CDK14: variants seen among roughly 807,000 people sequenced by gnomAD.
CDK14 encodes cyclin-dependent kinase 14.
CDK14 carries 34 observed loss-of-function variants against 60.7 expected under a neutral mutation model. The ratio of observed to expected loss-of-function variants is 0.56; its 90% CI spans 0.43 to 0.75. CDK14 has a LOEUF of 0.75. Among genes scored for constraint, CDK14 ranks in the 30% least tolerant of loss-of-function variants. The pLI is 0.00. For missense variants in CDK14, 482 were observed against 564.1 expected, an observed-to-expected ratio of 0.85 and a Z score of 1.47; for synonymous variants, 197 against 203.7, an observed-to-expected ratio of 0.97 and a Z score of 0.28.
At chr7:91,006,701 C>T (rs1044046872) in intron 10 of CDK14, among the ~76,000 whole-genome samples, 2 of 152,310 alleles carry the variant, frequency 1.3e-5, no homozygotes, top group Non-Finnish European at 2.9e-5. Flanking sequence ...AAAACTTTCA[C>T]TTATATATTT....
intron 8 of CDK14, among the ~76,000 whole-genome samples, chr7:90,922,091 C>T (rs1793269854): frequency 6.6e-6 from 1 of 152,110 alleles, no homozygotes; most frequent in African/African-American, 2.4e-5. Flanking sequence ...GCTTGTTAGT[C>T]CCGAAGGTAC....
At chr7:90,778,314 T>A (rs1020084468) in intron 4 of CDK14, among the ~76,000 whole-genome samples, 1 of 152,244 alleles carries the variant, frequency 6.6e-6, no homozygotes, top group Non-Finnish European at 1.5e-5. Context: ...TCCTTTATAA[T>A]TTCCGTATCC....
chr7:91,117,270 T>C (rs1309092351), intron 13 of CDK14, among the ~76,000 whole-genome samples: 3 of 151,634 alleles, frequency 2.0e-5, no homozygotes, highest in African/African-American at 7.3e-5. Flanking sequence ...GTATTGTTGC[T>C]ACCTTCACAG....
chr7:91,145,368 A>G (rs1372339431), intron 14 of CDK14, among the ~76,000 whole-genome samples: 1 of 152,218 alleles, frequency 6.6e-6, no homozygotes, highest in East Asian at 1.9e-4. Flanking sequence ...GAATTTATTG[A>G]TCTGCAGCCT....
chr7:90,840,446 A>G (rs983820958), intron 5 of CDK14, among the ~76,000 whole-genome samples: 6 of 152,222 alleles, frequency 3.9e-5, no homozygotes, highest in African/African-American at 1.2e-4. Flanking sequence ...AATAACCAGA[A>G]CAGGACATTC....
intron 3 of CDK14, among the ~76,000 whole-genome samples, chr7:90,734,629 A>T (rs746047399): frequency 2.7e-5 from 4 of 150,478 alleles, no homozygotes; most frequent in Non-Finnish European, 4.4e-5. Flanking sequence ...TATGGTTCAC[A>T]AAGTTCTTGT....
chr7:90,650,689 T>A (rs1256627813), intron 2 of CDK14, among the ~76,000 whole-genome samples: 2 of 152,228 alleles, frequency 1.3e-5, no homozygotes, highest in Non-Finnish European at 2.9e-5. Context: ...TAGCCAGTTT[T>A]CCCAGCACCA....
At chr7:90,604,305 T>C (rs1368793895) in intron 2 of CDK14, 56 bp downstream of exon 2, 6 of 1,052,888 alleles carry the variant, frequency 5.7e-6, no homozygotes, top group Non-Finnish European at 8.1e-6. Context: ...CCAGGTAAAG[T>C]CAGTAGCTGC....
At chr7:91,123,479 C>G (rs1009638160) in intron 14 of CDK14, among the ~76,000 whole-genome samples, 1 of 152,196 alleles carries the variant, frequency 6.6e-6, no homozygotes, top group Non-Finnish European at 1.5e-5. Context: ...CCCCACATGA[C>G]TGCCAATTAA....
intron 1 of CDK14, among the ~76,000 whole-genome samples, chr7:90,603,938 A>C (rs529276564): frequency 2.6e-5 from 4 of 152,342 alleles, no homozygotes; most frequent in South Asian, 4.1e-4. Flanking sequence ...GTTCCAACTA[A>C]AGAAGAGATA....
intron 10 of CDK14, among the ~76,000 whole-genome samples, chr7:91,001,685 AT>A (rs1795839821): frequency 6.6e-6 from 1 of 152,218 alleles, no homozygotes; most frequent in African/African-American, 2.4e-5. Flanking sequence ...AAGAGGGAAA[AT>A]TAGGATATGT....
intron 4 of CDK14, among the ~76,000 whole-genome samples, chr7:90,788,613 A>G (rs1329696912): frequency 1.3e-5 from 2 of 152,188 alleles, no homozygotes; most frequent in Admixed American, 6.6e-5. Context: ...GTAACCAATA[A>G]TAATGTATTT....
intron 5 of CDK14, among the ~76,000 whole-genome samples, chr7:90,851,097 A>G (rs1251671921): frequency 5.3e-5 from 8 of 152,212 alleles, no homozygotes; most frequent in Admixed American, 3.3e-4. Flanking sequence ...AGCAGAAAAT[A>G]TTTATTTTAT....
At chr7:90,774,636 A>G (rs10226975) in intron 4 of CDK14, among the ~76,000 whole-genome samples, 67,726 of 152,096 alleles carry the variant, frequency 0.45, 15,931 homozygotes, top group East Asian at 0.82. Context: ...CTCTTGTCTT[A>G]ATATCTCTCT....
intron 14 of CDK14, among the ~76,000 whole-genome samples, chr7:91,126,832 C>A (rs1405523304): frequency 6.6e-6 from 1 of 151,822 alleles, no homozygotes; most frequent in Non-Finnish European, 1.5e-5. Flanking sequence ...ACTCGCTTTT[C>A]TTTTTTTTAT....
At chr7:90,607,050 C>T (rs918331697) in intron 2 of CDK14, among the ~76,000 whole-genome samples, 3 of 152,076 alleles carry the variant, frequency 2.0e-5, no homozygotes, top group Non-Finnish European at 4.4e-5. Context: ...TTGAGGGAGG[C>T]ACATCTTACA....
At chr7:91,061,931 A>G (rs1401508596) in intron 11 of CDK14, among the ~76,000 whole-genome samples, 1 of 152,238 alleles carries the variant, frequency 6.6e-6, no homozygotes, top group Non-Finnish European at 1.5e-5. Flanking sequence ...CAAAGCTGTC[A>G]GACAAGGACA....
intron 8 of CDK14, among the ~76,000 whole-genome samples, chr7:90,943,117 A>G (rs1436666167): frequency 1.3e-5 from 2 of 152,220 alleles, no homozygotes; most frequent in Non-Finnish European, 2.9e-5. Flanking sequence ...CTGGCTTAAC[A>G]CATCTACGTA....
intron 5 of CDK14, among the ~76,000 whole-genome samples, chr7:90,858,730 TG>T (rs1790910104): frequency 6.6e-6 from 1 of 152,170 alleles, no homozygotes; most frequent in African/African-American, 2.4e-5. Flanking sequence ...TCTCTGAGGA[TG>T]TGTGCACCTC....
Sources: gnomAD v4.1 joint callset for allele counts (sites outside exome capture counted in the v4.1 genomes callset) on GRCh38, gnomAD v4.1.1 for gene constraint, MANE v1.5 for transcripts, NCBI Gene and HGNC (gene_info 2026-07-23, HGNC 2026-07-21) for gene names.